CCNY: variants seen among roughly 807,000 people sequenced by gnomAD.
The protein encoded by CCNY is cyclin Y, also known as cyclin-Y.
Under a neutral mutation model 42.8 loss-of-function variants are expected in CCNY, and 19 were observed. The ratio of observed to expected loss-of-function variants is 0.44; its 90% CI spans 0.31 to 0.65. The LOEUF (loss-of-function observed/expected upper bound fraction) is 0.65, where lower values mean the gene tolerates loss of function less well. Ranked by LOEUF, CCNY falls within the 30% of genes least tolerant of loss-of-function variation. CCNY has a pLI of 0.07. For missense variants in CCNY, 370 were observed against 437.3 expected (o/e 0.85, Z 1.37); for synonymous variants, 165 against 162.7 (o/e 1.01, Z -0.11).
intron 1 of CCNY, among the ~76,000 whole-genome samples, chr10:35,393,530 CTT>C (rs750507702): frequency 5.3e-5 from 8 of 152,200 alleles, no homozygotes; most frequent in South Asian, 2.1e-4. Context: ...TTCCTGGAGA[CTT>C]TGCGTGAAGG....
chr10:35,368,848 C>T (rs1564385065), intron 1 of CCNY, among the ~76,000 whole-genome samples: 1 of 151,740 alleles, frequency 6.6e-6, no homozygotes, highest in Non-Finnish European at 1.5e-5. Context: ...CTTTTCTTAA[C>T]CGGTGCTCGG....
intron 1 of CCNY, among the ~76,000 whole-genome samples, chr10:35,366,854 A>G (rs1347150265): frequency 6.6e-6 from 1 of 152,154 alleles, no homozygotes; most frequent in Non-Finnish European, 1.5e-5. Flanking sequence ...CTTAATTTTA[A>G]AGAATAAATT....
intron 4 of CCNY, among the ~76,000 whole-genome samples, chr10:35,521,679 T>G (rs1840550041): frequency 6.6e-6 from 1 of 152,146 alleles, no homozygotes; most frequent in Admixed American, 6.5e-5. Context: ...CATAGAAGCC[T>G]ATAAACAAGG....
At chr10:35,516,688 T>G in intron 4 of CCNY, 65 bp downstream of exon 4, 3 of 823,344 alleles carry the variant, frequency 3.6e-6, no homozygotes, top group Non-Finnish European at 5.4e-6. Context: ...TTTTTTTTTT[T>G]ACTTAACTGA....
intron 1 of CCNY, among the ~76,000 whole-genome samples, chr10:35,402,308 G>A (rs571423997): frequency 1.0e-3 from 158 of 152,272 alleles, no homozygotes; most frequent in African/African-American, 3.7e-3. Flanking sequence ...GAAGACACAA[G>A]GTCCGAATAA....
intron 1 of CCNY, among the ~76,000 whole-genome samples, chr10:35,478,408 C>A (rs1839572202): frequency 6.6e-6 from 1 of 151,376 alleles, no homozygotes; most frequent in East Asian, 1.9e-4. Context: ...GCTACAGTAA[C>A]CAAAACAGCA....
chr10:35,359,395 C>G (rs1836630639), intron 1 of CCNY, among the ~76,000 whole-genome samples: 1 of 152,114 alleles, frequency 6.6e-6, no homozygotes, highest in Admixed American at 6.6e-5. Context: ...GCAGATACTG[C>G]CTCATTATTT....
At chr10:35,266,979 G>A (rs1041495625) in intron 3 of CCNY, among the ~76,000 whole-genome samples, 1 of 151,992 alleles carries the variant, frequency 6.6e-6, no homozygotes, top group African/African-American at 2.4e-5. Context: ...CTACTCAGGA[G>A]GCTGAGGCAG....
chr10:35,362,786 G>A (rs867711897), intron 1 of CCNY, among the ~76,000 whole-genome samples: 75 of 150,974 alleles, frequency 5.0e-4, no homozygotes, highest in African/African-American at 1.8e-3. Context: ...AGGGTGTGGG[G>A]GCCGGCCAGA....
intron 1 of CCNY, among the ~76,000 whole-genome samples, chr10:35,468,850 G>A (rs1839324932): frequency 6.6e-6 from 1 of 152,186 alleles, no homozygotes; most frequent in Non-Finnish European, 1.5e-5. Context: ...ACAGTTACCA[G>A]TTGCTGGGAG....
chr10:35,537,710 C>T (rs1383548826), intron 7 of CCNY, among the ~76,000 whole-genome samples: 1 of 152,028 alleles, frequency 6.6e-6, no homozygotes, highest in African/African-American at 2.4e-5. Flanking sequence ...CTGTATTTAC[C>T]CATTACCTGT....
At chr10:35,550,929 A>C (rs1841242710) in intron 7 of CCNY, among the ~76,000 whole-genome samples, 1 of 151,986 alleles carries the variant, frequency 6.6e-6, no homozygotes, top group South Asian at 2.1e-4. Context: ...CAGACTCTCA[A>C]ACTGGCACCC....
Position 35,569,216 on chromosome 10 carries a change from T to G in CCNY, c.*46T>G, listed in dbSNP as rs764911618. On this transcript the variant is annotated 3_prime_UTR_variant, in exon 10 of 10. Coordinates refer to ENST00000374704, the MANE Select transcript of CCNY (RefSeq NM_145012.6). ...CCACACCATCCCTTAGTTTCTCCTT[T>G]AGTTTGAGAAAAGACAGACTTGGGG... 4 of 1,167,422 alleles carry G rather than the reference T, an allele frequency of 3.4e-6. No homozygotes were observed. In the South Asian group the frequency reaches 4.9e-5, roughly 14 times the overall value. The allele number at this position is 1,167,422 out of a possible 1,614,324, so 72.3% of individuals were successfully genotyped here. A position where few individuals can be genotyped will look rare whatever the true frequency, so the allele number is the denominator to read the frequency against.
intron 7 of CCNY, among the ~76,000 whole-genome samples, chr10:35,545,925 T>C (rs540778733): frequency 0.01 from 1,582 of 152,308 alleles, 24 homozygotes; most frequent in African/African-American, 0.036. Context: ...AATAATTACT[T>C]TTTTAAATTA....
In CCNY at chr10:35,530,992, C is replaced by T. The variant is rs529063039; in HGVS notation, c.579+749C>T. On this transcript the variant is annotated intron_variant, in intron 7 of 9. Coordinates refer to ENST00000374704, the MANE Select transcript of CCNY (RefSeq NM_145012.6). The surrounding 1 kb of genome is among the most constrained non-coding windows in gnomAD (Gnocchi z 4.3). ...GGCTGAGGTGAAAGGATCACTTAAG[C>T]CCAGGAGGTCAGGCTGCAGTGAGCT... 3.9e-3 allele frequency among the ~76,000 whole-genome samples: 590 copies of T among 152,308 alleles called. 5 individuals are homozygous for T. Among genetic ancestry groups the T allele is most frequent in the African/African-American group, 0.014 (574 of 41,554 alleles).
At chr10:35,476,424 T>A (rs1420030814) in intron 1 of CCNY, among the ~76,000 whole-genome samples, 1 of 152,060 alleles carries the variant, frequency 6.6e-6, no homozygotes, top group East Asian at 1.9e-4. Context: ...ACAGAAATTA[T>A]AACAAAGTAT....
chr10:35,424,353 A>G (rs933551680), intron 1 of CCNY, among the ~76,000 whole-genome samples: 1 of 152,084 alleles, frequency 6.6e-6, no homozygotes, highest in Non-Finnish European at 1.5e-5. Context: ...CAACCTCCCA[A>G]GTAGCTGGGA....
chr10:35,480,389 G>T (rs1034833453), intron 1 of CCNY, among the ~76,000 whole-genome samples: 1 of 152,140 alleles, frequency 6.6e-6, no homozygotes, highest in Non-Finnish European at 1.5e-5. Flanking sequence ...CCTCGCTGCA[G>T]CCCTCTTGAG....
intron 7 of CCNY, among the ~76,000 whole-genome samples, chr10:35,551,973 A>G (rs1035599850): frequency 6.6e-6 from 1 of 152,180 alleles, no homozygotes; most frequent in Non-Finnish European, 1.5e-5. Flanking sequence ...AGCTCCTCAA[A>G]AATTGAACAT....
Sources: allele counts gnomAD v4.1 joint callset (sites outside exome capture counted in the v4.1 genomes callset), GRCh38; gene constraint gnomAD v4.1.1; non-coding constraint Gnocchi (gnomAD v3.1); transcripts MANE v1.5; gene names NCBI Gene and HGNC (gene_info 2026-07-23, HGNC 2026-07-21).